Variants in KIAA0586 observed in about 807,000 individuals in gnomAD.
KIAA0586 encodes protein TALPID3.
A neutral mutation model predicts 169.8 loss-of-function variants in KIAA0586; 144 were observed. That is an observed-to-expected ratio of 0.85 (90% confidence interval 0.74 to 0.97). KIAA0586 has a LOEUF of 0.97. Ranked by LOEUF, KIAA0586 falls within the 50% of genes least tolerant of loss-of-function variation. KIAA0586 has a pLI of 0.00. For missense variants in KIAA0586, 1,854 were observed against 1,823.0 expected, an observed-to-expected ratio of 1.02 and a Z score of -0.31; for synonymous variants, 625 against 612.4, an observed-to-expected ratio of 1.02 and a Z score of -0.30.
chr14:58,512,653 A>C, intron 29 of KIAA0586, 26 bp downstream of exon 29: 1 of 1,175,044 alleles, frequency 8.5e-7, no homozygotes, highest in South Asian at 1.5e-5. Context: ...ATGTAATAAT[A>C]CAATAGTTTG....
At chr14:58,505,581 G>A (rs2141385668) in intron 27 of KIAA0586, among the ~76,000 whole-genome samples, 1 of 152,252 alleles carries the variant, frequency 6.6e-6, no homozygotes, top group South Asian at 2.1e-4. Context: ...ATTTTTATCG[G>A]CAATTTATTA....
downstream of KIAA0586, among the ~76,000 whole-genome samples, chr14:58,552,355 AT>A (rs554023176): frequency 2.0e-5 from 3 of 152,108 alleles, no homozygotes; most frequent in East Asian, 5.8e-4. Context: ...TTTTAAAATA[AT>A]TTTTTCTTCT....
chr14:58,559,874 C>T, the KIAA0586 span, among the ~76,000 whole-genome samples: 10 of 152,256 alleles, frequency 6.6e-5, no homozygotes, highest in South Asian at 4.1e-4. Flanking sequence ...AGGCCCCAGC[C>T]GGGCGCGGTG....
intron 29 of KIAA0586, among the ~76,000 whole-genome samples, chr14:58,530,823 A>G (rs1232682402): frequency 6.6e-6 from 1 of 152,238 alleles, no homozygotes; most frequent in Non-Finnish European, 1.5e-5. Flanking sequence ...AATGGCAACA[A>G]AAGTCAAAAT....
intron 26 of KIAA0586, among the ~76,000 whole-genome samples, chr14:58,497,461 G>C (rs1347053342): frequency 6.6e-6 from 1 of 151,356 alleles, no homozygotes; most frequent in Non-Finnish European, 1.5e-5. Context: ...CTGGTTTCAA[G>C]TGATTTTCCT....
At position 58,548,139 on chromosome 14, in the gene KIAA0586, T is replaced by G. The variant is rs990526499; in HGVS notation, c.*207T>G. On this transcript the variant is annotated 3_prime_UTR_variant, in exon 31 of 31. Coordinates refer to ENST00000652326, the MANE Select transcript of KIAA0586 (RefSeq NM_001329943.3). ...AAGTCATTATAAGTCTGATTGTGAGTTGTTTCTTAGAATCCTGAGATAGCA... is the reference window on the plus strand; with the variant it reads ...AAGTCATTATAAGTCTGATTGTGAGGTGTTTCTTAGAATCCTGAGATAGCA... 3.5e-5 allele frequency: 19 copies of G among 547,118 alleles called. No individual in the cohort carries two copies. The highest frequency in any genetic ancestry group is 3.6e-5 in the Non-Finnish European group (12 of 329,580). 33.9% of individuals were successfully genotyped at this position (547,118 alleles called of 1,614,324 possible). A position where few individuals can be genotyped will look rare whatever the true frequency, so the allele number is the denominator to read the frequency against.
chr14:58,538,393 T>C (rs1229555124), intron 29 of KIAA0586, among the ~76,000 whole-genome samples: 1 of 152,314 alleles, frequency 6.6e-6, no homozygotes, highest in East Asian at 1.9e-4. Context: ...TATCTTCTTA[T>C]AAAAATCCAC....
intron 29 of KIAA0586, among the ~76,000 whole-genome samples, chr14:58,519,015 C>G (rs1017607032): frequency 6.6e-6 from 1 of 152,128 alleles, no homozygotes; most frequent in Non-Finnish European, 1.5e-5. Flanking sequence ...GCCTGTAGTC[C>G]CAGCTACTTG....
chr14:58,555,947 T>C (rs963113870), downstream of KIAA0586, among the ~76,000 whole-genome samples: 1 of 152,254 alleles, frequency 6.6e-6, no homozygotes, highest in African/African-American at 2.4e-5. Context: ...GCAAAGGCAT[T>C]GTCATTGGTT....
At chr14:58,463,828 A>AG (rs2040521678) in intron 14 of KIAA0586, 2 of 250,434 alleles carry the variant, frequency 8.0e-6, no homozygotes, top group African/African-American at 4.8e-5. Context: ...CCTGTCTCTA[A>AG]AAAAAAAAAA....
At chr14:58,442,004 A>T (rs994897362) in intron 4 of KIAA0586, 3 of 152,214 alleles carry the variant, frequency 2.0e-5, no homozygotes, top group African/African-American at 7.2e-5. Context: ...AAAAATAATA[A>T]AAGAAAAAAG....
At chr14:58,432,526 A>G in intron 4 of KIAA0586, 69 bp downstream of exon 4, 1 of 853,102 alleles carries the variant, frequency 1.2e-6, no homozygotes, top group Non-Finnish European at 1.8e-6. Flanking sequence ...TACTTTGGAC[A>G]TATGAAAAAC....
intron 14 of KIAA0586, chr14:58,464,026 T>C (rs556670460): frequency 3.3e-5 from 15 of 447,858 alleles, no homozygotes; most frequent in African/African-American, 1.0e-4. Flanking sequence ...AATTTCAGAC[T>C]ATGACCAGAT....
At chr14:58,453,515 T>C (rs920108246) in intron 9 of KIAA0586, 42 bp downstream of exon 9, 4 of 1,373,088 alleles carry the variant, frequency 2.9e-6, no homozygotes, top group Non-Finnish European at 1.9e-6. Flanking sequence ...TTGAAAAGAG[T>C]TTTGTTAAGA....
intron 9 of KIAA0586, among the ~76,000 whole-genome samples, chr14:58,455,247 CCTTT>C (rs2039724472): frequency 2.5e-3 from 1 of 396 alleles, no homozygotes; most frequent in East Asian, 0.25. Flanking sequence ...CTTATACTTT[CCTTT>C]AATTTTAAAA....
At chr14:58,489,562 T>C (rs2042703961) in intron 24 of KIAA0586, among the ~76,000 whole-genome samples, 1 of 152,148 alleles carries the variant, frequency 6.6e-6, no homozygotes, top group South Asian at 2.1e-4. Context: ...ATATTGTGGA[T>C]ATCTTTTAAT....
At chr14:58,446,761 C>G (rs1287928113) in intron 6 of KIAA0586, among the ~76,000 whole-genome samples, 5 of 151,820 alleles carry the variant, frequency 3.3e-5, no homozygotes, top group African/African-American at 1.2e-4. Context: ...TATATGCATA[C>G]CAAGTAAAGT....
chr14:58,488,654 G>C lies in KIAA0586; in HGVS notation c.3561G>C (p.Glu1187Asp). Reference protein sequence around the residue: ...VMSVAKDEEPESMDFPAQPPP... With the variant: ...VMSVAKDEEPDSMDFPAQPPP... Reference sequence around the variant, plus strand: ...CTGTGGCTAAGGATGAAGAACCAGAGAGTATGGATTTCCCTGCTCAGCCTC... The same window carrying C: ...CTGTGGCTAAGGATGAAGAACCAGACAGTATGGATTTCCCTGCTCAGCCTC... The change falls in exon 24 of 31, where the codon GAG (glutamate) becomes GAC (aspartate). Residue 1187 changes from glutamate to aspartate, a missense_variant. Coordinates refer to ENST00000652326, the MANE Select transcript of KIAA0586 (RefSeq NM_001329943.3). The C allele has an allele frequency of 6.2e-7, 1 of 1,613,870 alleles. No homozygotes were observed. Among genetic ancestry groups the C allele is most frequent in the Non-Finnish European group, 8.5e-7 (1 of 1,179,832 alleles).
intron 28 of KIAA0586, among the ~76,000 whole-genome samples, chr14:58,511,784 G>C (rs1332483638): frequency 6.6e-6 from 1 of 152,204 alleles, no homozygotes; most frequent in Non-Finnish European, 1.5e-5. Context: ...CATGTGGACA[G>C]ATGTTTTAGA....
Sources: allele counts gnomAD v4.1 joint callset (sites outside exome capture counted in the v4.1 genomes callset), GRCh38; gene constraint gnomAD v4.1.1; transcripts MANE v1.5; gene names NCBI Gene and HGNC (gene_info 2026-07-23, HGNC 2026-07-21).